XK: variants seen among roughly 807,000 people sequenced by gnomAD.
The protein encoded by XK is X-linked Kx blood group antigen, Kell and VPS13A binding protein.
In XK, 2 loss-of-function variants were observed where a neutral mutation model predicts 14.0. That is an observed-to-expected ratio of 0.14 (90% CI 0.06 to 0.45). XK has a LOEUF of 0.45. Ranked by LOEUF, XK falls within the 20% of genes least tolerant of loss-of-function variation. The pLI is 0.98. For synonymous variants in XK, 149 were observed against 147.5 expected, an observed-to-expected ratio of 1.01 and a Z score of -0.08; for missense variants, 235 against 341.5, an observed-to-expected ratio of 0.69 and a Z score of 2.46.
At chrX:37,726,477 CAT>C (rs782107497) in intron 2 of XK, among the ~76,000 whole-genome samples, 29 of 111,550 alleles carry the variant, frequency 2.6e-4, no homozygotes, top group African/African-American at 9.1e-4. Flanking sequence ...GTTCCTAACT[CAT>C]AGCCCTGCTT....
chrX:37,728,294 G>T lies in XK; in HGVS notation c.1167G>T (p.Gln389His), dbSNP rs1261334957. ...LFSSSVSEGF[Q>H]RWLRCFCWAC... ...CTTCCAGTGTTTCTGAAGGCTTTCA[G>T]AGGTGGCTCAGGTGTTTTTGCTGGG... Residue 389 changes from glutamine to histidine, a missense_variant, in exon 3 of 3, where the codon CAG becomes CAT. Physicochemically the swap from Gln to His is conservative, Grantham distance 24. Transcript: ENST00000378616. 2.5e-6 allele frequency: 3 copies of T among 1,211,439 alleles called. No homozygotes were observed. Among genetic ancestry groups the T allele is most frequent in the Non-Finnish European group, 3.4e-6 (3 of 895,451 alleles).
intron 1 of XK, among the ~76,000 whole-genome samples, chrX:37,688,941 T>A (rs1381958784): frequency 8.9e-6 from 1 of 111,945 alleles, no homozygotes; most frequent in African/African-American, 3.2e-5. Context: ...CTTTTCTATA[T>A]TTTTCAGTTT....
chrX:37,686,340 C>A, intron 1 of XK, 134 bp downstream of exon 1: 1 of 1,078,584 alleles, frequency 9.3e-7, no homozygotes. Context: ...GTCCGCCATG[C>A]CCCTCAGCCC....
At chrX:37,711,002 G>A (rs1165043287) in intron 2 of XK, among the ~76,000 whole-genome samples, 1 of 111,849 alleles carries the variant, frequency 8.9e-6, no homozygotes, top group Non-Finnish European at 1.9e-5. Flanking sequence ...GAGCCTGGCA[G>A]GGGTCCTCAC....
At chrX:37,703,415 C>T (rs1556444259) in intron 2 of XK, among the ~76,000 whole-genome samples, 1 of 112,091 alleles carries the variant, frequency 8.9e-6, no homozygotes, top group Non-Finnish European at 1.9e-5. Flanking sequence ...AGGGAGTCTT[C>T]ATGAAAGGAG....
intron 2 of XK, among the ~76,000 whole-genome samples, chrX:37,710,170 T>TGGGGAGTAACTTACTC (rs1471496280): frequency 1.8e-5 from 2 of 112,028 alleles, no homozygotes; most frequent in Non-Finnish European, 3.8e-5. Context: ...TTTCTCTCAA[T>TGGGGAGTAACTTACTC]AAGGGGGAGT....
At chrX:37,687,158 A>ATC (rs782029572) in intron 1 of XK, among the ~76,000 whole-genome samples, 3,253 of 101,055 alleles carry the variant, frequency 0.032, 141 homozygotes, top group African/African-American at 0.11. Flanking sequence ...CTACCAGGAA[A>ATC]TCTCTCTCTC....
rs1927939804 is a variant in XK, at chrX:37,724,513, A to G, written c.509-3123A>G. Reference sequence around the variant, plus strand: ...AAAATTAACCTGAAATGGCTCACAGACCTAAATACAGAATACAAAACTATA... The same window carrying G: ...AAAATTAACCTGAAATGGCTCACAGGCCTAAATACAGAATACAAAACTATA... On this transcript the variant is annotated intron_variant, in intron 2 of 2. Coordinates refer to ENST00000378616, the MANE Select transcript of XK (RefSeq NM_021083.4). Among the ~76,000 whole-genome samples the G allele has an allele frequency of 4.5e-5, 5 of 111,749 alleles. No individual in the cohort carries two copies. The South Asian group carries it at 1.8e-3, about 41-fold the overall frequency.
intron 2 of XK, among the ~76,000 whole-genome samples, chrX:37,717,191 A>G (rs1207897752): frequency 9.0e-6 from 1 of 111,510 alleles, no homozygotes; most frequent in African/African-American, 3.3e-5. Context: ...CCTTCCTGCC[A>G]TCAAGTGATA....
At chrX:37,704,826 A>G (rs1248503078) in intron 2 of XK, among the ~76,000 whole-genome samples, 4 of 110,813 alleles carry the variant, frequency 3.6e-5, no homozygotes, top group African/African-American at 1.3e-4. Flanking sequence ...CAAGAATGAA[A>G]CTCCGTCTCA....
intron 2 of XK, among the ~76,000 whole-genome samples, chrX:37,717,340 G>A (rs1927785764): frequency 8.9e-6 from 1 of 111,887 alleles, no homozygotes; most frequent in Non-Finnish European, 1.9e-5. Context: ...TGTTAGCTGA[G>A]TGATCTCTGG....
At chrX:37,699,178 G>C (rs1052136958) in intron 2 of XK, among the ~76,000 whole-genome samples, 1 of 112,280 alleles carries the variant, frequency 8.9e-6, no homozygotes, top group Admixed American at 9.5e-5. Context: ...TGGATTATTG[G>C]AGCAATATTA....
At chrX:37,712,081 C>A (rs1445354177) in intron 2 of XK, among the ~76,000 whole-genome samples, 2 of 111,142 alleles carry the variant, frequency 1.8e-5, no homozygotes, top group Non-Finnish European at 3.8e-5. Context: ...TCTTGGATTC[C>A]TAGGAAAGCA....
chrX:37,720,593 G>A (rs1359428212), intron 2 of XK, among the ~76,000 whole-genome samples: 1 of 110,481 alleles, frequency 9.1e-6, no homozygotes, highest in Non-Finnish European at 1.9e-5. Context: ...TAGTGGTGAA[G>A]TCTGGGCTTC....
In XK at chrX:37,692,962, A is replaced by AC. The variant is rs1439453941; in HGVS notation, c.246-1315dup. 3.6e-3 allele frequency among the ~76,000 whole-genome samples: 373 copies of AC among 102,227 alleles called. 2 individuals are homozygous for AC. Among genetic ancestry groups the AC allele is most frequent in the African/African-American group, 8.1e-3 (227 of 27,890 alleles). 88.8% of individuals were successfully genotyped at this position (102,227 alleles called of 115,157 possible). A position where few individuals can be genotyped will look rare whatever the true frequency, so the allele number is the denominator to read the frequency against. The stretch of plus-strand genomic sequence containing the variant: ...GGGACAAAATGTCGTACACAAATCA[A>AC]CCCCCCCCCACACACACACCCACAC... On this transcript the variant is annotated intron_variant, in intron 1 of 2. Transcript: ENST00000378616.
At chrX:37,705,463 A>T (rs782379932) in intron 2 of XK, among the ~76,000 whole-genome samples, 1 of 109,984 alleles carries the variant, frequency 9.1e-6, no homozygotes, top group South Asian at 3.9e-4. Context: ...AAAAAAAAAA[A>T]AATAACTTAA....
At chrX:37,725,686 A>G (rs1927962237) in intron 2 of XK, among the ~76,000 whole-genome samples, 1 of 112,212 alleles carries the variant, frequency 8.9e-6, no homozygotes, top group South Asian at 3.7e-4. Flanking sequence ...GTCAAAACCT[A>G]GAAGCAACCA....
chrX:37,690,602 A>G (rs1391515059), intron 1 of XK, among the ~76,000 whole-genome samples: 1 of 111,860 alleles, frequency 8.9e-6, no homozygotes, highest in South Asian at 3.7e-4. Flanking sequence ...TGTACCCCAC[A>G]GGCCTAATAC....
At position 37,727,892 on chromosome X, in the gene XK, C is replaced by T. The variant is rs150315121; in HGVS notation, c.765C>T (p.Leu255=). 6.6e-6 allele frequency: 8 copies of T among 1,209,145 alleles called. No homozygotes were observed. The highest frequency in any genetic ancestry group is 8.9e-6 in the Non-Finnish European group (8 of 894,960). Residue 255 remains leucine (L), a synonymous_variant, in exon 3 of 3, where the codon CTC becomes CTT. Transcript: ENST00000378616. ...GTTTCTTCTTGTACCCCTGGATCCT[C>T]TTCTGGTGCAGTGGTTCCCCATTCC... ...FFSFFLYPWI[L]FWCSGSPFPE...
Sources: gnomAD v4.1 joint callset for allele counts (sites outside exome capture counted in the v4.1 genomes callset) on GRCh38, gnomAD v4.1.1 for gene constraint, MANE v1.5 for transcripts, NCBI Gene and HGNC (gene_info 2026-07-23, HGNC 2026-07-21) for gene names.